The following PREP variants were observed in gnomAD, a reference collection of about 807,000 sequenced individuals.
PREP encodes dJ355L5.1 (prolyl endopeptidase).
PREP carries 29 observed loss-of-function variants against 87.6 expected under a neutral mutation model. That is an observed-to-expected ratio of 0.33 (90% confidence interval 0.25 to 0.45). PREP has a LOEUF of 0.45. Among genes scored for constraint, PREP ranks in the 20% least tolerant of loss-of-function variants. The pLI, the probability that PREP is intolerant of heterozygous loss-of-function variation, is 1.00. For missense variants in PREP, 695 were observed against 886.5 expected, an observed-to-expected ratio of 0.78 and a Z score of 2.74; for synonymous variants, 337 against 328.6, an observed-to-expected ratio of 1.03 and a Z score of -0.28.
At chr6:105,369,937 A>G (rs1184306569) in intron 5 of PREP, among the ~76,000 whole-genome samples, 1 of 152,204 alleles carries the variant, frequency 6.6e-6, no homozygotes, top group Non-Finnish European at 1.5e-5. Context: ...ATTATATATC[A>G]TTAGGGAAAT....
At position 105,354,627 on chromosome 6, in the gene PREP, T is replaced by G. The variant is rs57960942; in HGVS notation, c.718-1550A>C. 4.8e-3 allele frequency among the ~76,000 whole-genome samples: 737 copies of G among 152,158 alleles called. 6 individuals are homozygous for G. Among genetic ancestry groups the G allele is most frequent in the African/African-American group, 0.017 (709 of 41,514 alleles). The stretch of plus-strand genomic sequence containing the variant: ...GGACTCATCCAATCAGTTGATGGCC[T>G]TAACAGAACACTGACCTCTGCTGAA... On this transcript the variant is annotated intron_variant, in intron 6 of 14. Transcript: ENST00000652536.
At chr6:105,333,917 T>A (rs987151785) in intron 7 of PREP, among the ~76,000 whole-genome samples, 1 of 152,162 alleles carries the variant, frequency 6.6e-6, no homozygotes, top group African/African-American at 2.4e-5. Flanking sequence ...AGGCAACATC[T>A]GAAAATGTCT....
rs1198400161 is a variant in PREP, at chr6:105,274,633, T to C, written c.*3511A>G. ...ATACAAAAAGATTAGCCGGGAATGATGGTATGCGCCTGTAATACCAGCTAC... is the reference window on the plus strand; with the variant it reads ...ATACAAAAAGATTAGCCGGGAATGACGGTATGCGCCTGTAATACCAGCTAC... On this transcript the variant is annotated 3_prime_UTR_variant, in exon 15 of 15. Transcript: ENST00000652536. Among the ~76,000 whole-genome samples the C allele has an allele frequency of 2.6e-5, 4 of 152,068 alleles. No homozygotes were observed. Among genetic ancestry groups the C allele is most frequent in the Non-Finnish European group, 5.9e-5 (4 of 68,014 alleles).
Position 105,402,836 on chromosome 6 carries a change from G to C in PREP, c.45+11C>G, listed in dbSNP as rs1234207355. ...CCCGGGAGCCCTCTGGGCGGAGGCAGAGATACTTACGGCGGTCTCGTCGCG... is the reference window on the plus strand; with the variant it reads ...CCCGGGAGCCCTCTGGGCGGAGGCACAGATACTTACGGCGGTCTCGTCGCG... On this transcript the variant is annotated intron_variant, in intron 1 of 14. Transcript: ENST00000652536. The C allele has an allele frequency of 1.9e-6, 3 of 1,542,800 alleles. No homozygotes were observed. In the South Asian group the frequency reaches 3.6e-5, roughly 19 times the overall value.
chr6:105,323,774 A>C lies in PREP; in HGVS notation c.1214-6T>G, dbSNP rs1447181074. The C allele has an allele frequency of 6.2e-7, 1 of 1,603,738 alleles. No homozygotes were observed. The highest frequency in any genetic ancestry group is 8.5e-7 in the Non-Finnish European group (1 of 1,170,806). On this transcript the variant is annotated splice_region_variant and splice_polypyrimidine_tract_variant and intron_variant, in intron 9 of 14. Coordinates refer to ENST00000652536, the MANE Select transcript of PREP (RefSeq NM_002726.5). The stretch of plus-strand genomic sequence containing the variant: ...ATCACAGTGATAAATGATACCTAAA[A>C]AGTAGAATAAGGCTTGGTTTAGTCT...
intron 10 of PREP, among the ~76,000 whole-genome samples, chr6:105,297,021 T>C (rs1770425350): frequency 6.6e-6 from 1 of 152,182 alleles, no homozygotes; most frequent in East Asian, 1.9e-4. Flanking sequence ...GGGTTCATGA[T>C]CTCATGTGGC....
chr6:105,378,898 T>C (rs955895275), intron 2 of PREP, among the ~76,000 whole-genome samples: 3 of 152,210 alleles, frequency 2.0e-5, no homozygotes, highest in Non-Finnish European at 4.4e-5. Flanking sequence ...AAGCTCACAA[T>C]GGTCTTCAAA....
intron 10 of PREP, among the ~76,000 whole-genome samples, chr6:105,319,614 T>C (rs1770952661): frequency 6.6e-6 from 1 of 152,208 alleles, no homozygotes; most frequent in Admixed American, 6.5e-5. Context: ...ATTATTATTT[T>C]CTTGAATTTA....
At chr6:105,289,886 T>G (rs1038304156) in intron 10 of PREP, among the ~76,000 whole-genome samples, 5 of 152,106 alleles carry the variant, frequency 3.3e-5, no homozygotes, top group African/African-American at 9.7e-5. Context: ...TCCATAGCTT[T>G]TTAAGGTAGC....
At chr6:105,370,825 T>C (rs149222955) in intron 5 of PREP, among the ~76,000 whole-genome samples, 1 of 152,188 alleles carries the variant, frequency 6.6e-6, no homozygotes, top group Non-Finnish European at 1.5e-5. Flanking sequence ...GACAAAACTA[T>C]AAAGACAGTA....
At chr6:105,299,828 C>T (rs1770493771) in intron 10 of PREP, among the ~76,000 whole-genome samples, 1 of 152,066 alleles carries the variant, frequency 6.6e-6, no homozygotes, top group Non-Finnish European at 1.5e-5. Context: ...AAGACAATGA[C>T]CACCTATCTC....
chr6:105,391,349 T>C (rs1773141064), intron 2 of PREP, among the ~76,000 whole-genome samples: 1 of 151,960 alleles, frequency 6.6e-6, no homozygotes, highest in African/African-American at 2.4e-5. Context: ...GCCACTGCAA[T>C]CCAGCCTAGG....
chr6:105,373,596 AATC>A lies in PREP; in HGVS notation c.386-21_386-19del. ...CGCATAACCTATGGGACACAGGAGA[AATC>A]ATCCAGTGACAAACACGGAACACAA... On this transcript the variant is annotated intron_variant, in intron 4 of 14. Transcript: ENST00000652536. 6.2e-7 allele frequency: 1 copy of A among 1,609,042 alleles called. No individual in the cohort carries two copies. Among genetic ancestry groups the A allele is most frequent in the Non-Finnish European group, 8.5e-7 (1 of 1,176,088 alleles).
At chr6:105,324,033 T>G (rs1213025898) in intron 9 of PREP, among the ~76,000 whole-genome samples, 1 of 152,222 alleles carries the variant, frequency 6.6e-6, no homozygotes, top group Admixed American at 6.5e-5. Flanking sequence ...GTATATACAT[T>G]TTAGAAGATT....
At chr6:105,319,219 C>G (rs904549485) in intron 10 of PREP, among the ~76,000 whole-genome samples, 1 of 152,154 alleles carries the variant, frequency 6.6e-6, no homozygotes, top group Non-Finnish European at 1.5e-5. Flanking sequence ...AAGAGAACAA[C>G]AGTAAAGATA....
chr6:105,371,597 A>G lies in PREP; in HGVS notation c.595+1772T>C, dbSNP rs148351837. ...TTTGCTGATTTTGGAGGCTTCTTTG[A>G]GGCTGAACTTCTTTTTTTCATTATG... On this transcript the variant is annotated intron_variant, in intron 5 of 14. Transcript: ENST00000652536. 2.4e-3 allele frequency among the ~76,000 whole-genome samples: 346 copies of G among 146,144 alleles called. 2 individuals are homozygous for G. The highest frequency in any genetic ancestry group is 8.3e-3 in the African/African-American group (334 of 40,430).
chr6:105,322,799 T>C, intron 10 of PREP: 1 of 1,067,946 alleles, frequency 9.4e-7, no homozygotes, highest in Non-Finnish European at 1.1e-6. Context: ...GCTTTATTCA[T>C]GATCTAGATG....
At chr6:105,335,578 A>G (rs1314423052) in intron 7 of PREP, among the ~76,000 whole-genome samples, 1 of 152,130 alleles carries the variant, frequency 6.6e-6, no homozygotes, top group East Asian at 1.9e-4. Context: ...TCTTATCTGT[A>G]AACTAGGAAT....
At chr6:105,344,884 C>T (rs569048948) in intron 7 of PREP, among the ~76,000 whole-genome samples, 6 of 152,244 alleles carry the variant, frequency 3.9e-5, no homozygotes, top group South Asian at 4.1e-4. Context: ...AACAACAGAA[C>T]GGTGTACATT....
Sources: gnomAD v4.1 joint callset for allele counts (sites outside exome capture counted in the v4.1 genomes callset) on GRCh38, gnomAD v4.1.1 for gene constraint, MANE v1.5 for transcripts, NCBI Gene and HGNC (gene_info 2026-07-23, HGNC 2026-07-21) for gene names.